Variants in PRRG1 observed in about 807,000 individuals in gnomAD.
PRRG1 encodes proline rich and Gla domain 1.
In PRRG1, 5 loss-of-function variants were observed where a neutral mutation model predicts 11.8. The ratio of observed to expected loss-of-function variants is 0.42; its 90% CI spans 0.22 to 0.89. The LOEUF (loss-of-function observed/expected upper bound fraction) is 0.89. Ranked by LOEUF, PRRG1 falls within the 40% of genes least tolerant of loss-of-function variation. The pLI, the probability that PRRG1 is intolerant of heterozygous loss-of-function variation, is 0.28. For synonymous variants in PRRG1, 66 were observed against 60.4 expected (o/e 1.09, Z -0.43); for missense variants, 155 against 166.1 (o/e 0.93, Z 0.37).
chrX:37,387,076 G>GT (rs1343588333), intron 1 of PRRG1, among the ~76,000 whole-genome samples: 1 of 111,895 alleles, frequency 8.9e-6, no homozygotes, highest in Non-Finnish European at 1.9e-5. Flanking sequence ...ATCATAGGCT[G>GT]TTTAAGTATT....
intron 1 of PRRG1, among the ~76,000 whole-genome samples, chrX:37,370,136 G>A (rs1386262865): frequency 9.0e-6 from 1 of 110,998 alleles, no homozygotes; most frequent in African/African-American, 3.3e-5. Flanking sequence ...TGCCCTTCAG[G>A]TTTATCCATG....
At chrX:37,448,909 GT>G (rs1921014868) in intron 3 of PRRG1, among the ~76,000 whole-genome samples, 1 of 111,504 alleles carries the variant, frequency 9.0e-6, no homozygotes, top group African/African-American at 3.3e-5. Flanking sequence ...GAGGGTACAG[GT>G]TTGTGCTACC....
At chrX:37,369,974 T>C (rs1556370384) in intron 1 of PRRG1, among the ~76,000 whole-genome samples, 1 of 111,259 alleles carries the variant, frequency 9.0e-6, no homozygotes, top group African/African-American at 3.3e-5. Context: ...TTTAATAAAT[T>C]ACCCAGTCTC....
chrX:37,372,840 T>C (rs1251879702), intron 1 of PRRG1, among the ~76,000 whole-genome samples: 2 of 112,826 alleles, frequency 1.8e-5, no homozygotes, highest in Admixed American at 9.4e-5. Context: ...TTGCCTGTTC[T>C]TTTGGTATCA....
At chrX:37,427,857 A>C (rs1932790279) in intron 3 of PRRG1, among the ~76,000 whole-genome samples, 1 of 111,908 alleles carries the variant, frequency 8.9e-6, no homozygotes, top group Admixed American at 9.5e-5. Flanking sequence ...GCTGCTGATA[A>C]AAGACATACC....
At chrX:37,399,548 C>T (rs1232699203) in intron 1 of PRRG1, among the ~76,000 whole-genome samples, 39 of 108,908 alleles carry the variant, frequency 3.6e-4, no homozygotes, top group African/African-American at 1.1e-3. Flanking sequence ...TAAAGACCAT[C>T]GAGACTAGGA....
chrX:37,453,696 T>A lies in PRRG1; in HGVS notation c.*75T>A, dbSNP rs782808669. On this transcript the variant is annotated 3_prime_UTR_variant, in exon 4 of 4. Transcript: ENST00000378628. The stretch of plus-strand genomic sequence containing the variant: ...AACTTTCTAGCACTTTACCACTACA[T>A]AAATGTTCATTGACTTATTTTATTG... 2.7e-5 allele frequency: 26 copies of A among 978,044 alleles called. No individual in the cohort carries two copies. In the African/African-American group the frequency reaches 4.9e-4, roughly 18 times the overall value. 80.6% of individuals were successfully genotyped at this position (978,044 alleles called of 1,213,427 possible). A position where few individuals can be genotyped will look rare whatever the true frequency, so the allele number is the denominator to read the frequency against.
Position 37,441,722 on chromosome X carries a change from T to C in PRRG1, c.172-11414T>C, listed in dbSNP as rs1295573760. The C allele has an allele frequency of 6.3e-6, 5 of 789,694 alleles. No individual in the cohort carries two copies. The Admixed American group carries it at 3.0e-4, about 47-fold the overall frequency. 65.1% of individuals were successfully genotyped at this position (789,694 alleles called of 1,213,427 possible). ...CAGTTGCACAAGAAGAGGGAGCACG[T>C]CCAGGAGCTGATGAGGCTGCAGAAC... On this transcript the variant is annotated intron_variant, in intron 3 of 3. Transcript: ENST00000378628.
At chrX:37,437,228 A>G (rs1556392241) in intron 3 of PRRG1, among the ~76,000 whole-genome samples, 1 of 111,318 alleles carries the variant, frequency 9.0e-6, no homozygotes, top group African/African-American at 3.3e-5. Flanking sequence ...TATTCATGTC[A>G]GGTTATGGTA....
intron 1 of PRRG1, among the ~76,000 whole-genome samples, chrX:37,392,960 G>A (rs1931591423): frequency 9.0e-6 from 1 of 111,702 alleles, no homozygotes; most frequent in Non-Finnish European, 1.9e-5. Context: ...TAAGCATGTA[G>A]TAGACACACA....
chrX:37,376,870 A>G (rs1213082760), intron 1 of PRRG1, among the ~76,000 whole-genome samples: 1 of 108,550 alleles, frequency 9.2e-6, no homozygotes, highest in Non-Finnish European at 1.9e-5. Flanking sequence ...CTGAAATTTG[A>G]GTAGCTTTTC....
At chrX:37,379,719 T>C (rs1276701994) in intron 1 of PRRG1, among the ~76,000 whole-genome samples, 1 of 111,636 alleles carries the variant, frequency 9.0e-6, no homozygotes, top group Non-Finnish European at 1.9e-5. Context: ...AATGGGAAAT[T>C]AAAATATTGT....
At chrX:37,369,955 GT>G (rs781812925) in intron 1 of PRRG1, among the ~76,000 whole-genome samples, 1,558 of 103,250 alleles carry the variant, frequency 0.015, 30 homozygotes, top group Admixed American at 0.066. Flanking sequence ...TTAAACCTCT[GT>G]TTTTTTTTTT....
chrX:37,408,689 C>A (rs1932265240), intron 2 of PRRG1, among the ~76,000 whole-genome samples: 1 of 111,735 alleles, frequency 8.9e-6, no homozygotes, highest in Non-Finnish European at 1.9e-5. Context: ...ACAAAAACTT[C>A]CCAAGGACCC....
chrX:37,376,597 T>C (rs1930968677), intron 1 of PRRG1, among the ~76,000 whole-genome samples: 1 of 37,253 alleles, frequency 2.7e-5, no homozygotes, highest in African/African-American at 6.8e-5. Flanking sequence ...GAGGATCCTA[T>C]AGGTTCTGAG....
At chrX:37,364,872 A>G (rs782803837) in intron 1 of PRRG1, among the ~76,000 whole-genome samples, 2 of 112,135 alleles carry the variant, frequency 1.8e-5, no homozygotes, top group South Asian at 7.5e-4. Context: ...GTCTAAAACC[A>G]TATATGAATT....
chrX:37,417,387 A>G (rs782597097), intron 2 of PRRG1, among the ~76,000 whole-genome samples: 1 of 111,513 alleles, frequency 9.0e-6, no homozygotes, highest in South Asian at 3.7e-4. Context: ...CATATACTAT[A>G]TGCTATACTA....
At chrX:37,355,012 A>G (rs1187240126) in intron 1 of PRRG1, among the ~76,000 whole-genome samples, 1 of 110,896 alleles carries the variant, frequency 9.0e-6, no homozygotes, top group African/African-American at 3.3e-5. Flanking sequence ...CCTGGGCTCA[A>G]GCAATCCTCC....
At chrX:37,352,025 T>C (rs1930082746) in intron 1 of PRRG1, among the ~76,000 whole-genome samples, 1 of 112,602 alleles carries the variant, frequency 8.9e-6, no homozygotes, top group Non-Finnish European at 1.9e-5. Flanking sequence ...CTTTGACATC[T>C]CTCTTAACTC....
Sources: allele counts gnomAD v4.1 joint callset (sites outside exome capture counted in the v4.1 genomes callset), GRCh38; gene constraint gnomAD v4.1.1; transcripts MANE v1.5; gene names NCBI Gene and HGNC (gene_info 2026-07-23, HGNC 2026-07-21).